Variants in EXT2 observed in about 807,000 individuals in gnomAD.
EXT2 encodes the protein exostosin-2.
In EXT2, 53 loss-of-function variants were observed where a neutral mutation model predicts 81.6. The observed-to-expected ratio is 0.65, with a 90% CI of 0.52 to 0.82. The LOEUF (loss-of-function observed/expected upper bound fraction) is 0.82, where lower values mean the gene tolerates loss of function less well. Ranked by LOEUF, EXT2 falls within the 40% of genes least tolerant of loss-of-function variation. The pLI, the probability that EXT2 is intolerant of heterozygous loss-of-function variation, is 0.00. For missense variants in EXT2, 774 were observed against 910.2 expected (o/e 0.85, Z 1.93); for synonymous variants, 320 against 340.0 (o/e 0.94, Z 0.65).
At chr11:44,238,424 C>A (rs539070056) in intron 13 of EXT2, among the ~76,000 whole-genome samples, 1 of 152,254 alleles carries the variant, frequency 6.6e-6, no homozygotes, top group Non-Finnish European at 1.5e-5. Context: ...TCAAGGTATC[C>A]TCTCGCCTGG....
At chr11:44,232,956 C>T (rs979682858) in intron 11 of EXT2, among the ~76,000 whole-genome samples, 10 of 152,058 alleles carry the variant, frequency 6.6e-5, no homozygotes, top group Non-Finnish European at 1.5e-4. Context: ...ATTTTGCTAT[C>T]GTGGATATTA....
intron 13 of EXT2, among the ~76,000 whole-genome samples, chr11:44,237,385 G>A (rs947060087): frequency 7.2e-5 from 11 of 152,056 alleles, no homozygotes; most frequent in African/African-American, 2.2e-4. Flanking sequence ...CAGATGACAT[G>A]ACCTTTACCA....
At position 44,108,235 on chromosome 11, in the gene EXT2, G is replaced by C. The variant is rs1284937347; in HGVS notation, c.523G>C (p.Ala175Pro). Residue 175 changes from alanine to proline, a missense_variant, in exon 2 of 14, where the codon GCC becomes CCC. This residue lies in a region of EXT2 where 626 missense variants were observed against 670.5 expected (regional missense o/e 0.93). Coordinates refer to ENST00000533608, the MANE Select transcript of EXT2 (RefSeq NM_207122.2). ...CATCAAGGAGACAGCACAAGCGATGGCCCAGCTCTCTAGGTATCTCACACT... is the reference window on the plus strand; with the variant it reads ...CATCAAGGAGACAGCACAAGCGATGCCCCAGCTCTCTAGGTATCTCACACT... The part of the protein sequence containing the change: ...LRIKETAQAM[A>P]QLSRWDRGTN... 2.5e-6 allele frequency: 4 copies of C among 1,612,496 alleles called. No homozygotes were observed. Among genetic ancestry groups the C allele is most frequent in the Non-Finnish European group, 3.4e-6 (4 of 1,179,990 alleles).
chr11:44,233,641 T>A (rs1260577994), intron 11 of EXT2, among the ~76,000 whole-genome samples: 1 of 152,174 alleles, frequency 6.6e-6, no homozygotes, highest in East Asian at 1.9e-4. Context: ...ACAGTTAATT[T>A]AATTTAGCTG....
chr11:44,185,949 T>G (rs1364494939), intron 8 of EXT2, among the ~76,000 whole-genome samples: 2 of 152,246 alleles, frequency 1.3e-5, no homozygotes, highest in Admixed American at 1.3e-4. Flanking sequence ...TTGTTTTACC[T>G]CTCATAAGAT....
chr11:44,101,825 A>T (rs183417740), intron 1 of EXT2, among the ~76,000 whole-genome samples: 8 of 152,332 alleles, frequency 5.3e-5, no homozygotes, highest in Admixed American at 5.2e-4. Context: ...CATAGTGCCC[A>T]GAATGGGCAG....
chr11:44,166,256 C>G (rs1590612957), intron 7 of EXT2, among the ~76,000 whole-genome samples: 1 of 152,130 alleles, frequency 6.6e-6, no homozygotes, highest in Non-Finnish European at 1.5e-5. Context: ...TTGGTGATAA[C>G]AGAAAGTGAT....
At chr11:44,197,805 C>T in intron 8 of EXT2, 24 bp from the exon 9 acceptor site, 1 of 1,612,988 alleles carries the variant, frequency 6.2e-7, no homozygotes, top group Non-Finnish European at 8.5e-7. Context: ...CTTTTCTGAC[C>T]CGTGTTAATC....
chr11:44,096,680 G>A (rs1953903504), intron 1 of EXT2, among the ~76,000 whole-genome samples: 1 of 152,246 alleles, frequency 6.6e-6, no homozygotes, highest in African/African-American at 2.4e-5. Flanking sequence ...TTGAAGTCCA[G>A]AGGTGTTTGG....
In EXT2 at chr11:44,124,995, T is replaced by C. The variant is rs1254119364; in HGVS notation, c.939+11T>C. On this transcript the variant is annotated intron_variant, in intron 5 of 13. Transcript: ENST00000533608. ...CCACAGGTGCTACAGGTGAGTGTCATTCATTACCTCTCGCAAAGGCTCAGG... is the reference window on the plus strand; with the variant it reads ...CCACAGGTGCTACAGGTGAGTGTCACTCATTACCTCTCGCAAAGGCTCAGG... 3.1e-6 allele frequency: 5 copies of C among 1,611,612 alleles called. No homozygotes were observed. Among genetic ancestry groups the C allele is most frequent in the Non-Finnish European group, 4.2e-6 (5 of 1,179,696 alleles).
intron 11 of EXT2, 32 bp downstream of exon 11, chr11:44,232,528 A>G (rs1440399244): frequency 5.0e-6 from 8 of 1,612,844 alleles, no homozygotes; most frequent in Non-Finnish European, 5.9e-6. Context: ...AAGGTGACAA[A>G]ACTGAGAGAA....
chr11:44,111,843 A>G (rs1205834164), intron 3 of EXT2, among the ~76,000 whole-genome samples: 3 of 152,234 alleles, frequency 2.0e-5, no homozygotes, highest in East Asian at 1.9e-4. Flanking sequence ...GAATCTCTGC[A>G]TGATACAGCC....
chr11:44,100,665 G>C (rs925038531), intron 1 of EXT2, among the ~76,000 whole-genome samples: 1 of 152,212 alleles, frequency 6.6e-6, no homozygotes, highest in Admixed American at 6.5e-5. Context: ...ATCTCCTGCA[G>C]CTGGAGGGTG....
intron 1 of EXT2, among the ~76,000 whole-genome samples, chr11:44,102,789 C>T (rs949589522): frequency 6.6e-6 from 1 of 152,022 alleles, no homozygotes; most frequent in African/African-American, 2.4e-5. Flanking sequence ...CTTTCCATGA[C>T]CATTAAGGAG....
intron 8 of EXT2, among the ~76,000 whole-genome samples, chr11:44,192,888 C>T (rs1955410680): frequency 2.0e-5 from 3 of 152,132 alleles, no homozygotes; most frequent in African/African-American, 7.2e-5. Context: ...GGAGTCATTT[C>T]AAAACTCATA....
At chr11:44,206,749 C>T in intron 9 of EXT2, 44 bp from the exon 10 acceptor site, 2 of 1,603,554 alleles carry the variant, frequency 1.2e-6, no homozygotes, top group Non-Finnish European at 1.7e-6. Context: ...TTTATCTCCT[C>T]ACAAAAGTTA....
At chr11:44,194,078 G>A (rs969493994) in intron 8 of EXT2, among the ~76,000 whole-genome samples, 4 of 152,134 alleles carry the variant, frequency 2.6e-5, no homozygotes, top group East Asian at 3.9e-4. Context: ...CAAGGCATTC[G>A]TTTTGTGAGC....
intron 10 of EXT2, among the ~76,000 whole-genome samples, chr11:44,208,669 T>G (rs1955611743): frequency 6.6e-6 from 1 of 152,252 alleles, no homozygotes; most frequent in Non-Finnish European, 1.5e-5. Flanking sequence ...ACTATGTTTC[T>G]GTCAACGTCC....
chr11:44,182,222 T>C (rs1254439362), intron 8 of EXT2, among the ~76,000 whole-genome samples: 1 of 152,136 alleles, frequency 6.6e-6, no homozygotes, highest in East Asian at 1.9e-4. Flanking sequence ...AATCATTTTT[T>C]CTAGAATATA....
Sources: gnomAD v4.1 joint callset for allele counts (sites outside exome capture counted in the v4.1 genomes callset) on GRCh38, gnomAD v4.1.1 for gene constraint, gnomAD v4.1.1 regional missense constraint, MANE v1.5 for transcripts, NCBI Gene and HGNC (gene_info 2026-07-23, HGNC 2026-07-21) for gene names.